FGF17: variants seen among roughly 807,000 people sequenced by gnomAD.
The protein encoded by FGF17 is fibroblast growth factor 17.
A neutral mutation model predicts 23.5 loss-of-function variants in FGF17; 5 were observed. That is an observed-to-expected ratio of 0.21 (90% CI 0.11 to 0.45). The LOEUF is 0.45. FGF17 is among the 20% of genes least tolerant of loss of function. The pLI, the probability that FGF17 is intolerant of heterozygous loss-of-function variation, is 0.99. For synonymous variants in FGF17, 136 were observed against 123.0 expected (o/e 1.11, Z -0.70); for missense variants, 221 against 306.9 (o/e 0.72, Z 2.09).
intron 2 of FGF17, among the ~76,000 whole-genome samples, chr8:22,043,985 C>T (rs1369582426): frequency 6.6e-6 from 1 of 151,908 alleles, no homozygotes; most frequent in African/African-American, 2.4e-5. Context: ...GGGAAAGGGG[C>T]AGCCTTTGAA....
In FGF17 at chr8:22,043,130, C is replaced by A; in HGVS notation, c.36-15C>A. ...CTGGCACCCACACCTGGGCTTACCT[C>A]CTCTCCCCACACAGGTGCTTACAGC... On this transcript the variant is annotated splice_polypyrimidine_tract_variant and intron_variant, in intron 1 of 4. Transcript: ENST00000359441. 1 of 1,613,806 alleles carries A rather than the reference C, an allele frequency of 6.2e-7. No homozygotes were observed. The highest frequency in any genetic ancestry group is 8.5e-7 in the Non-Finnish European group (1 of 1,179,954).
At chr8:22,045,364 C>T (rs1424792765) in intron 2 of FGF17, 39 of 987,762 alleles carry the variant, frequency 3.9e-5, no homozygotes, top group Non-Finnish European at 4.5e-5. Flanking sequence ...TGCCTCCCTC[C>T]GCTAAGGAGG....
chr8:22,046,989 G>A (rs1029714086), intron 4 of FGF17, among the ~76,000 whole-genome samples: 1 of 120,848 alleles, frequency 8.3e-6, no homozygotes, highest in Non-Finnish European at 1.6e-5. Flanking sequence ...GCCTCACTAT[G>A]TTGCCCTGGC....
At chr8:22,043,482 G>A (rs1800780449) in intron 2 of FGF17, among the ~76,000 whole-genome samples, 1 of 152,210 alleles carries the variant, frequency 6.6e-6, no homozygotes, top group African/African-American at 2.4e-5. Context: ...TGGAGCGGTT[G>A]GAAGCAGGTG....
At chr8:22,046,921 C>T (rs1800882675) in intron 4 of FGF17, among the ~76,000 whole-genome samples, 1 of 150,250 alleles carries the variant, frequency 6.7e-6, no homozygotes, top group African/African-American at 2.5e-5. Flanking sequence ...GTAGCTGGCA[C>T]TATAGGTGCA....
Position 22,048,086 on chromosome 8 carries a change from C to T in FGF17, c.488C>T (p.Ser163Phe), listed in dbSNP as rs1457978228. 1 of 1,612,812 alleles carries T rather than the reference C, an allele frequency of 6.2e-7. No individual in the cohort carries two copies. Among genetic ancestry groups the T allele is most frequent in the Admixed American group, 1.7e-5 (1 of 59,992 alleles). Residue 163 changes from serine to phenylalanine, a missense_variant, in exon 5 of 5, where the codon TCC becomes TTC. This residue lies in a region of FGF17 where 128 missense variants were observed against 150.4 expected (regional missense o/e 0.85). Transcript: ENST00000359441. This position sits in a 1 kb window ranked among gnomAD's most constrained non-coding sequence, Gnocchi z 6.9. ...CGGCAGGGGCGGCCCCGCCAGGCTT[C>T]CCGCAGCCGCCAGAACCAGCGCGAG... Reference protein sequence around the residue: ...FTRQGRPRQASRSRQNQREAH... With the variant: ...FTRQGRPRQAFRSRQNQREAH...
At position 22,042,829 on chromosome 8, in the gene FGF17, A is replaced by C; in HGVS notation, c.-100A>C. 7.9e-6 allele frequency: 10 copies of C among 1,268,944 alleles called. No homozygotes were observed. Among genetic ancestry groups the C allele is most frequent in the East Asian group, 2.5e-5 (1 of 40,620 alleles). 78.6% of individuals were successfully genotyped at this position (1,268,944 alleles called of 1,614,324 possible). On this transcript the variant is annotated 5_prime_UTR_variant, in exon 1 of 5. Coordinates refer to ENST00000359441, the MANE Select transcript of FGF17 (RefSeq NM_003867.4). ...GCCCCCCTGAAAACCTGTGGCTCGGAGAGACCTTGGCTTCTCTGGGACTCT... is the reference window on the plus strand; with the variant it reads ...GCCCCCCTGAAAACCTGTGGCTCGGCGAGACCTTGGCTTCTCTGGGACTCT...
At chr8:22,040,325 C>A (rs1047249851), upstream of FGF17, among the ~76,000 whole-genome samples, 2 of 152,208 alleles carry the variant, frequency 1.3e-5, no homozygotes, top group Non-Finnish European at 2.9e-5. Flanking sequence ...GGTCACACAG[C>A]GTATAAGGAC....
chr8:22,048,014 C>G lies in FGF17; in HGVS notation c.416C>G (p.Thr139Arg). 6.2e-7 allele frequency: 1 copy of G among 1,613,036 alleles called. No homozygotes were observed. Among genetic ancestry groups the G allele is most frequent in the Non-Finnish European group, 8.5e-7 (1 of 1,179,346 alleles). Residue 139 changes from threonine (T) to arginine (R), a missense_variant, in exon 5 of 5, where the codon ACG becomes AGG. By Grantham distance (71) the Thr-to-Arg change is moderately conservative. Around this residue, in one of 3 missense-constraint regions of FGF17, gnomAD observed 128 missense variants for 150.4 expected, o/e 0.85. Coordinates refer to ENST00000359441, the MANE Select transcript of FGF17 (RefSeq NM_003867.4). The surrounding 1 kb of genome is among the most constrained non-coding windows in gnomAD (Gnocchi z 6.9). ...GAGATCGTGCTGGAGAACAACTATACGGCCTTCCAGAACGCCCGGCACGAG... is the reference window on the plus strand; with the variant it reads ...GAGATCGTGCTGGAGAACAACTATAGGGCCTTCCAGAACGCCCGGCACGAG... ...FTEIVLENNY[T>R]AFQNARHEGW...
Position 22,048,276 on chromosome 8 carries a change from T to G in FGF17, c.*27T>G. On this transcript the variant is annotated 3_prime_UTR_variant, in exon 5 of 5. Coordinates refer to ENST00000359441, the MANE Select transcript of FGF17 (RefSeq NM_003867.4). The surrounding 1 kb of genome is among the most constrained non-coding windows in gnomAD (Gnocchi z 6.9). ...CTGGGAGGCAGGGGGCAGCAGCCCC[T>G]GGGCCGCCTCCCCACCCCTTTCCCT... The G allele has an allele frequency of 1.3e-6, 2 of 1,544,926 alleles. No individual in the cohort carries two copies. Among genetic ancestry groups the G allele is most frequent in the Non-Finnish European group, 1.8e-6 (2 of 1,138,310 alleles).
intron 4 of FGF17, 148 bp from the exon 5 acceptor site, chr8:22,047,808 G>A (rs531516102): frequency 2.8e-6 from 2 of 704,888 alleles, no homozygotes; most frequent in South Asian, 1.9e-5. Flanking sequence ...CTCTAAATAG[G>A]ATGCCATCTC....
At chr8:22,043,530 C>G (rs1006674305) in intron 2 of FGF17, among the ~76,000 whole-genome samples, 6 of 152,278 alleles carry the variant, frequency 3.9e-5, no homozygotes, top group Admixed American at 2.0e-4. Flanking sequence ...TTTGCCAGTA[C>G]CTGAAAGGAC....
upstream of FGF17, among the ~76,000 whole-genome samples, chr8:22,040,937 G>T (rs1160569839): frequency 6.6e-6 from 1 of 152,198 alleles, no homozygotes; most frequent in Non-Finnish European, 1.5e-5. Context: ...ACGCGGAACA[G>T]AAGTGACCTG....
At chr8:22,042,301 G>C (rs3176262), upstream of FGF17, 1 of 156,594 alleles carries the variant, frequency 6.4e-6, no homozygotes, top group African/African-American at 2.4e-5. Flanking sequence ...CCTCCTTCCC[G>C]GGCAATCAGC....
At chr8:22,047,374 T>A (rs1269765871) in intron 4 of FGF17, among the ~76,000 whole-genome samples, 1 of 152,188 alleles carries the variant, frequency 6.6e-6, no homozygotes, top group African/African-American at 2.4e-5. Context: ...AAGCACACGG[T>A]AGGCCGGGCC....
chr8:22,045,725 C>T, intron 2 of FGF17: 3 of 1,122,770 alleles, frequency 2.7e-6, no homozygotes, highest in Non-Finnish European at 3.3e-6. Context: ...GGGGAGATGA[C>T]AGGCTCTGGT....
At chr8:22,042,611 A>G (rs1800756207), upstream of FGF17, 1 of 564,586 alleles carries the variant, frequency 1.8e-6, no homozygotes, top group Non-Finnish European at 3.2e-6. Context: ...CCACCGCTCC[A>G]TCCCTGCACT....
intron 4 of FGF17, 103 bp downstream of exon 4, chr8:22,046,736 G>A (rs1471641533): frequency 9.1e-6 from 7 of 765,256 alleles, no homozygotes; most frequent in Non-Finnish European, 1.5e-5. Context: ...ACACCCTCCT[G>A]TGTAAAGACT....
Position 22,045,318 on chromosome 8 carries a change from C to T in FGF17, c.73-796C>T, listed in dbSNP as rs3176287. On this transcript the variant is annotated intron_variant, in intron 2 of 4. Transcript: ENST00000359441. ...TGCCTGCCAGGGGCAGCCATTGGGC[C>T]ACCGCTGATAGTGCCTGTCCTCTTG... The T allele has an allele frequency of 3.2e-3, 3,188 of 986,484 alleles. 87 individuals carry two copies. In the African/African-American group the frequency reaches 0.05, roughly 16 times the overall value. 61.1% of individuals were successfully genotyped at this position (986,484 alleles called of 1,614,324 possible).
Sources: gnomAD v4.1 joint callset for allele counts (sites outside exome capture counted in the v4.1 genomes callset) on GRCh38, gnomAD v4.1.1 for gene constraint, gnomAD v4.1.1 regional missense constraint, Gnocchi (gnomAD v3.1) non-coding constraint, MANE v1.5 for transcripts, NCBI Gene and HGNC (gene_info 2026-07-23, HGNC 2026-07-21) for gene names.